Variants in ALS2 observed in about 807,000 individuals in gnomAD.
ALS2 encodes alsin Rho guanine nucleotide exchange factor ALS2.
Under a neutral mutation model 203.4 loss-of-function variants are expected in ALS2, and 117 were observed. The observed-to-expected ratio is 0.58, with a 90% CI of 0.50 to 0.67. The LOEUF is 0.67. ALS2 is among the 30% of genes least tolerant of loss of function. ALS2 has a pLI of 0.00. For synonymous variants in ALS2, 718 were observed against 725.9 expected (o/e 0.99, Z 0.17); for missense variants, 1,715 against 1,989.4 (o/e 0.86, Z 2.62).
At chr2:201,742,878 C>A (rs1424177567) in intron 10 of ALS2, among the ~76,000 whole-genome samples, 2 of 151,970 alleles carry the variant, frequency 1.3e-5, no homozygotes, top group African/African-American at 4.8e-5. Flanking sequence ...ACAAGACCAG[C>A]CTGGGAAACA....
At chr2:201,716,542 C>CAA (rs745396344) in intron 24 of ALS2, 8,650 of 60,704 alleles carry the variant, frequency 0.14, 755 homozygotes, top group East Asian at 0.23. Context: ...CGCTCCATCT[C>CAA]AAAAAAAAAA....
intron 13 of ALS2, among the ~76,000 whole-genome samples, 188 bp from the exon 14 acceptor site, chr2:201,729,371 A>AAGTACATATGAAATAGGGGCAT (rs1268041080): frequency 1.3e-5 from 2 of 152,132 alleles, no homozygotes; most frequent in Non-Finnish European, 2.9e-5. Flanking sequence ...TACTACATAA[A>AAGTACATATGAAATAGGGGCAT]AGTACATATG....
chr2:201,773,193 T>A (rs1429708298), intron 1 of ALS2, among the ~76,000 whole-genome samples: 1 of 152,220 alleles, frequency 6.6e-6, no homozygotes, highest in Non-Finnish European at 1.5e-5. Context: ...TACATTTGTT[T>A]CAAAAGTTTT....
At chr2:201,729,750 G>A (rs1042718482) in intron 13 of ALS2, among the ~76,000 whole-genome samples, 4 of 151,686 alleles carry the variant, frequency 2.6e-5, no homozygotes, top group South Asian at 2.1e-4. Flanking sequence ...GTGTGGTGGC[G>A]GGCGCCTGTA....
At chr2:201,764,027 T>TG (rs1243886933) in intron 3 of ALS2, among the ~76,000 whole-genome samples, 6 of 152,176 alleles carry the variant, frequency 3.9e-5, no homozygotes, top group African/African-American at 1.4e-4. Flanking sequence ...CTATTATACA[T>TG]GGCAGATACA....
chr2:201,766,397 G>A (rs1045777296), intron 3 of ALS2, among the ~76,000 whole-genome samples: 4 of 152,012 alleles, frequency 2.6e-5, no homozygotes, highest in Non-Finnish European at 4.4e-5. Flanking sequence ...TGTAATCCCA[G>A]AACTTTGGGA....
chr2:201,745,848 C>A (rs377526513), intron 9 of ALS2, among the ~76,000 whole-genome samples: 1 of 152,146 alleles, frequency 6.6e-6, no homozygotes, highest in East Asian at 1.9e-4. Flanking sequence ...ACCTGGGAGA[C>A]TGAGGCAGGA....
At chr2:201,705,300 A>G in intron 30 of ALS2, 100 bp from the exon 31 acceptor site, 1 of 1,459,762 alleles carries the variant, frequency 6.9e-7, no homozygotes, top group Non-Finnish European at 9.6e-7. Flanking sequence ...GTAATAACAG[A>G]TGCAAACACA....
chr2:201,745,801 T>C (rs555045547), intron 9 of ALS2, among the ~76,000 whole-genome samples: 37 of 151,928 alleles, frequency 2.4e-4, no homozygotes, highest in Non-Finnish European at 3.8e-4. Context: ...ATACAAAAAT[T>C]AGCTGGGCGT....
At chr2:201,764,789 GAAAAGA>G (rs1282396879) in intron 3 of ALS2, among the ~76,000 whole-genome samples, 1 of 152,094 alleles carries the variant, frequency 6.6e-6, no homozygotes, top group Non-Finnish European at 1.5e-5. Flanking sequence ...TCCTCAGCTG[GAAAAGA>G]TAGCACTGGA....
chr2:201,773,635 A>G (rs549758082), intron 1 of ALS2, among the ~76,000 whole-genome samples: 2 of 152,262 alleles, frequency 1.3e-5, no homozygotes, highest in South Asian at 2.1e-4. Flanking sequence ...ATATATGAAC[A>G]TGGAGTTCAA....
intron 17 of ALS2, 46 bp from the exon 18 acceptor site, chr2:201,726,912 C>A: frequency 6.6e-7 from 1 of 1,513,914 alleles, no homozygotes; most frequent in South Asian, 1.2e-5. Context: ...AACAATTCAT[C>A]AAGCATTGCT....
At chr2:201,727,394 T>A in intron 16 of ALS2, 116 bp from the exon 17 acceptor site, 1 of 959,880 alleles carries the variant, frequency 1.0e-6, no homozygotes, top group Non-Finnish European at 1.6e-6. Flanking sequence ...TCAATTAATG[T>A]AAATGCTTGC....
intron 13 of ALS2, among the ~76,000 whole-genome samples, chr2:201,732,975 A>G (rs897484514): frequency 2.6e-5 from 4 of 152,232 alleles, no homozygotes; most frequent in Non-Finnish European, 5.9e-5. Flanking sequence ...CATGCATCCA[A>G]TAAATTTTGA....
intron 13 of ALS2, among the ~76,000 whole-genome samples, chr2:201,730,671 T>G (rs1015453173): frequency 6.6e-6 from 1 of 151,660 alleles, no homozygotes; most frequent in Non-Finnish European, 1.5e-5. Flanking sequence ...CAAGAGGAGC[T>G]CTCAACTCAA....
chr2:201,767,932 G>A (rs1291557644), intron 2 of ALS2, among the ~76,000 whole-genome samples: 1 of 148,668 alleles, frequency 6.7e-6, no homozygotes, highest in African/African-American at 2.5e-5. Context: ...CTCCATCTAA[G>A]AAGCAAACAA....
intron 19 of ALS2, among the ~76,000 whole-genome samples, chr2:201,726,068 A>C (rs927492036): frequency 6.6e-6 from 1 of 152,226 alleles, no homozygotes; most frequent in Non-Finnish European, 1.5e-5. Context: ...AGCACTTGGA[A>C]AATTTCTCCT....
intron 25 of ALS2, among the ~76,000 whole-genome samples, chr2:201,713,644 C>T (rs1334562437): frequency 6.6e-6 from 1 of 152,142 alleles, no homozygotes; most frequent in Non-Finnish European, 1.5e-5. Context: ...AGTTTTCAAC[C>T]CCAAAATTTT....
chr2:201,780,722 T>TG (rs1188198351), intron 1 of ALS2, among the ~76,000 whole-genome samples, 155 bp downstream of exon 1: 2 of 152,098 alleles, frequency 1.3e-5, no homozygotes, highest in African/African-American at 4.8e-5. Context: ...GCTGGGAAAA[T>TG]GCGGGCGCCG....
Sources: allele counts gnomAD v4.1 joint callset (sites outside exome capture counted in the v4.1 genomes callset), GRCh38; gene constraint gnomAD v4.1.1; transcripts MANE v1.5; gene names NCBI Gene and HGNC (gene_info 2026-07-23, HGNC 2026-07-21).